Variants in IMPG1 observed in about 807,000 individuals in gnomAD.
IMPG1 encodes the protein interphotoreceptor matrix proteoglycan 1.
Under a neutral mutation model 92.0 loss-of-function variants are expected in IMPG1, and 85 were observed. The ratio of observed to expected loss-of-function variants is 0.92; its 90% CI spans 0.78 to 1.11. The LOEUF is 1.11. Ranked by LOEUF, IMPG1 falls within the 50% of genes least tolerant of loss-of-function variation. The pLI, the probability that IMPG1 is intolerant of heterozygous loss-of-function variation, is 0.00. For missense variants in IMPG1, 1,022 were observed against 956.0 expected (o/e 1.07, Z -0.91); for synonymous variants, 367 against 334.1 (o/e 1.10, Z -1.08).
rs1781499319 is a variant in IMPG1 at position 75,924,589 on chromosome 6, TATATTATATATAATTA to T, written c.2244-899_2244-884del. Among the ~76,000 whole-genome samples the T allele has an allele frequency of 1.9e-4, 6 of 31,758 alleles. 1 individual carries two copies. Among genetic ancestry groups the T allele is most frequent in the African/African-American group, 5.4e-4 (6 of 11,142 alleles). 20.8% of individuals were successfully genotyped at this position (31,758 alleles called of 152,430 possible). ...ATATTATATATAATTAATATAATTA[TATATTATATATAATTA>T]ATTATATATAATATATAATAAATTA... is the stretch of plus-strand genomic sequence containing the variant. On this transcript the variant is annotated intron_variant, in intron 15 of 16. Coordinates refer to ENST00000369950, the MANE Select transcript of IMPG1 (RefSeq NM_001563.4).
At chr6:76,037,313 G>A (rs554300164) in intron 2 of IMPG1, among the ~76,000 whole-genome samples, 1 of 152,278 alleles carries the variant, frequency 6.6e-6, no homozygotes, top group East Asian at 1.9e-4. Flanking sequence ...GAACCTTCAA[G>A]GTAATTGATC....
chr6:75,928,588 CT>C (rs534733584), intron 15 of IMPG1: 71 of 152,252 alleles, frequency 4.7e-4, no homozygotes, highest in African/African-American at 1.6e-3. Context: ...TGTGCTATTT[CT>C]TTCCCTCTTC....
chr6:75,974,385 T>C (rs1782488569), intron 12 of IMPG1, among the ~76,000 whole-genome samples: 1 of 92,292 alleles, frequency 1.1e-5, no homozygotes, highest in Non-Finnish European at 2.2e-5. Context: ...CTTTCTTTCT[T>C]TCTTTCTTTT....
intron 7 of IMPG1, among the ~76,000 whole-genome samples, chr6:76,015,176 A>G (rs1783262767): frequency 6.6e-6 from 1 of 152,184 alleles, no homozygotes; most frequent in South Asian, 2.1e-4. Context: ...TCCTTTTGAC[A>G]TTTGTATTAA....
At chr6:76,041,270 G>A (rs1402727714) in intron 2 of IMPG1, among the ~76,000 whole-genome samples, 1 of 152,188 alleles carries the variant, frequency 6.6e-6, no homozygotes, top group East Asian at 1.9e-4. Context: ...AGAATCCTGT[G>A]AAGCAGTCTT....
Position 75,947,484 on chromosome 6 carries a change from A to G in IMPG1, c.1874T>C (p.Ile625Thr), listed in dbSNP as rs2149456228. 6.2e-7 allele frequency: 1 copy of G among 1,613,860 alleles called. No individual in the cohort carries two copies. The highest frequency in any genetic ancestry group is 8.5e-7 in the Non-Finnish European group (1 of 1,179,850). Residue 625 changes from isoleucine to threonine, a missense_variant, in exon 14 of 17, where the codon ATA becomes ACA. Physicochemically the swap from Ile to Thr is moderately conservative, Grantham distance 89 (BLOSUM62 -1). Around this residue, in one of 3 missense-constraint regions of IMPG1, gnomAD observed 332 missense variants for 346.2 expected, o/e 0.96. Coordinates refer to ENST00000369950, the MANE Select transcript of IMPG1 (RefSeq NM_001563.4). Reference protein sequence around the residue: ...SNLTGFKQLEILNFRNGSVIV... With the variant: ...SNLTGFKQLETLNFRNGSVIV... ...CACACTCCCGTTTCTGAAGTTAAGT[A>G]TTTCAAGTTGCTTAAATCCTGTAAG...
intron 4 of IMPG1, among the ~76,000 whole-genome samples, chr6:76,031,476 C>A (rs761577953): frequency 6.6e-6 from 1 of 152,202 alleles, no homozygotes; most frequent in Non-Finnish European, 1.5e-5. Context: ...CCAATCAGAA[C>A]AGATGTTAGT....
intron 12 of IMPG1, among the ~76,000 whole-genome samples, chr6:75,952,010 GA>G (rs1439886573): frequency 6.6e-6 from 1 of 152,056 alleles, no homozygotes; most frequent in African/African-American, 2.4e-5. Flanking sequence ...ATTACGCTCT[GA>G]CAATTTCTAC....
At chr6:75,980,114 C>T (rs184410418) in intron 12 of IMPG1, among the ~76,000 whole-genome samples, 62 of 152,018 alleles carry the variant, frequency 4.1e-4, no homozygotes, top group African/African-American at 1.3e-3. Context: ...CACACACTTA[C>T]GGAATGGTGG....
chr6:76,031,114 A>G (rs2149486994), intron 4 of IMPG1, among the ~76,000 whole-genome samples: 1 of 152,314 alleles, frequency 6.6e-6, no homozygotes, highest in Non-Finnish European at 1.5e-5. Flanking sequence ...TGTGGGACGG[A>G]CAAGGACCCC....
In IMPG1 at chr6:76,001,894, A is replaced by G. The variant is rs147922746; in HGVS notation, c.1291+1024T>C. On this transcript the variant is annotated intron_variant, in intron 12 of 16. Transcript: ENST00000369950. ...CTGATAATCATGTAAATGAAATCCA[A>G]TTTGTATAATTAATTCTGCTATCAT... is the stretch of plus-strand genomic sequence containing the variant. 6.6e-3 allele frequency among the ~76,000 whole-genome samples: 999 copies of G among 152,330 alleles called. 10 individuals are homozygous for G. Among genetic ancestry groups the G allele is most frequent in the African/African-American group, 0.023 (952 of 41,558 alleles).
chr6:75,953,526 G>A (rs1782069866), intron 12 of IMPG1, among the ~76,000 whole-genome samples: 1 of 152,018 alleles, frequency 6.6e-6, no homozygotes, highest in Non-Finnish European at 1.5e-5. Context: ...CTGTTCCTGT[G>A]TTAGTTTGCT....
At chr6:75,972,652 G>A (rs1472993713) in intron 12 of IMPG1, among the ~76,000 whole-genome samples, 3 of 152,088 alleles carry the variant, frequency 2.0e-5, no homozygotes, top group Admixed American at 6.6e-5. Context: ...GAATAAAACT[G>A]TCCTTCCTTG....
chr6:76,043,851 C>T (rs560078242), intron 1 of IMPG1, among the ~76,000 whole-genome samples: 12 of 152,200 alleles, frequency 7.9e-5, no homozygotes, highest in Admixed American at 3.3e-4. Context: ...ATGTCATCCT[C>T]GGGCAGGCTT....
chr6:75,945,476 G>A (rs369844318), intron 14 of IMPG1, among the ~76,000 whole-genome samples: 5 of 150,972 alleles, frequency 3.3e-5, no homozygotes, highest in East Asian at 2.0e-4. Context: ...TCAGCCTCCC[G>A]AATAGCTGGG....
At position 76,025,237 on chromosome 6, in the gene IMPG1, C is replaced by G. The variant is rs368654002; in HGVS notation, c.519G>C (p.Glu173Asp). 1.3e-6 allele frequency: 2 copies of G among 1,597,618 alleles called. No homozygotes were observed. Among genetic ancestry groups the G allele is most frequent in the South Asian group, 2.2e-5 (2 of 90,116 alleles). The change falls in exon 5 of 17, where the codon GAG becomes GAC. Residue 173 changes from glutamate (E) to aspartate (D), a missense_variant. By Grantham distance (45) the Glu-to-Asp change is conservative. Transcript: ENST00000369950. The part of the protein sequence containing the change: ...FPDRKDEISA[E>D]KTLGEPGETI... Reference sequence around the variant, plus strand: ...TTTCACCAGGCTCTCCCAATGTCTTCTCTGCAGATATTTCATCTTTTCTAT... The same window carrying G: ...TTTCACCAGGCTCTCCCAATGTCTTGTCTGCAGATATTTCATCTTTTCTAT...
intron 12 of IMPG1, among the ~76,000 whole-genome samples, chr6:75,978,075 T>A (rs545232095): frequency 6.6e-6 from 1 of 152,112 alleles, no homozygotes; most frequent in East Asian, 1.9e-4. Context: ...TAGGGGGAGC[T>A]ATGGTATCCA....
chr6:76,038,134 C>T (rs1041458876), intron 2 of IMPG1, among the ~76,000 whole-genome samples: 2 of 152,008 alleles, frequency 1.3e-5, no homozygotes, highest in African/African-American at 4.8e-5. Flanking sequence ...GCAGGCAGTC[C>T]CTGTCATATG....
intron 12 of IMPG1, among the ~76,000 whole-genome samples, chr6:75,959,855 C>T (rs1782186966): frequency 6.6e-6 from 1 of 152,172 alleles, no homozygotes; most frequent in South Asian, 2.1e-4. Flanking sequence ...GTTTCAGCCC[C>T]TTTTCCAGGG....
Sources: gnomAD v4.1 joint callset for allele counts (sites outside exome capture counted in the v4.1 genomes callset) on GRCh38, gnomAD v4.1.1 for gene constraint, gnomAD v4.1.1 regional missense constraint, MANE v1.5 for transcripts, NCBI Gene and HGNC (gene_info 2026-07-23, HGNC 2026-07-21) for gene names.